Variants in MORN1 observed in about 807,000 individuals in gnomAD.
MORN1 encodes the protein MORN repeat containing 1.
A neutral mutation model predicts 61.9 loss-of-function variants in MORN1; 67 were observed. The ratio of observed to expected loss-of-function variants is 1.08; its 90% CI spans 0.89 to 1.33. The LOEUF is 1.33. Among genes scored for constraint, MORN1 ranks in the 40% most tolerant of loss-of-function variants. The probability of loss-of-function intolerance (pLI) is 0.00; values close to 1 mark genes in which losing one functional copy is unlikely to be tolerated. For synonymous variants in MORN1, 301 were observed against 292.0 expected (o/e 1.03, Z -0.31); for missense variants, 752 against 691.2 (o/e 1.09, Z -0.99).
intron 8 of MORN1, among the ~76,000 whole-genome samples, chr1:2,366,313 T>A (rs1192805278): frequency 7.2e-6 from 1 of 138,750 alleles, no homozygotes; most frequent in Non-Finnish European, 1.5e-5. Context: ...AACATCACAC[T>A]CTGGGGACTG....
At chr1:2,330,610 A>G (rs1184562561) in intron 12 of MORN1, among the ~76,000 whole-genome samples, 1 of 152,206 alleles carries the variant, frequency 6.6e-6, no homozygotes. Context: ...TGGCCTAATG[A>G]CTGATTAAAT....
chr1:2,380,419 T>C (rs1011080995), intron 6 of MORN1, among the ~76,000 whole-genome samples: 2 of 152,180 alleles, frequency 1.3e-5, no homozygotes, highest in African/African-American at 4.8e-5. Flanking sequence ...CAGAAGCACT[T>C]GGGGCCCAGG....
At chr1:2,341,705 A>G (rs12730050) in intron 10 of MORN1, among the ~76,000 whole-genome samples, 81,092 of 150,624 alleles carry the variant, frequency 0.54, 22,258 homozygotes, top group African/African-American at 0.61. Context: ...AAAAAAAAAA[A>G]AAAAAGAAAA....
Position 2,357,676 on chromosome 1 carries a change from C to T in MORN1, c.870-78G>A. The T allele has an allele frequency of 6.7e-7, 1 of 1,483,838 alleles. No homozygotes were observed. Among genetic ancestry groups the T allele is most frequent in the Non-Finnish European group, 9.0e-7 (1 of 1,111,462 alleles). 91.9% of individuals were successfully genotyped at this position (1,483,838 alleles called of 1,614,324 possible). ...TGCAGGCAGACAGCGTGGCCCACGC[C>T]CTGGACCCTGGGACTTGCCTACACT... On this transcript the variant is annotated intron_variant, in intron 9 of 13. Transcript: ENST00000378531. The surrounding 1 kb of genome is among the most constrained non-coding windows in gnomAD (Gnocchi z 6.3).
At chr1:2,341,692 G>GAAAAAAAA (rs68071614) in intron 10 of MORN1, among the ~76,000 whole-genome samples, 1 of 133,778 alleles carries the variant, frequency 7.5e-6, no homozygotes. Flanking sequence ...TCCGTCTCAA[G>GAAAAAAAA]AAAAAAAAAA....
At chr1:2,346,202 C>T (rs1203394095) in intron 10 of MORN1, among the ~76,000 whole-genome samples, 1 of 152,078 alleles carries the variant, frequency 6.6e-6, no homozygotes, top group African/African-American at 2.4e-5. Flanking sequence ...ACAAAGCCAC[C>T]AGGGAACCTT....
intron 6 of MORN1, among the ~76,000 whole-genome samples, chr1:2,384,758 AT>A (rs1642450329): frequency 6.6e-6 from 1 of 152,212 alleles, no homozygotes; most frequent in Non-Finnish European, 1.5e-5. Context: ...CCTCCTGAGT[AT>A]ACACAAGGCA....
intron 1 of MORN1, chr1:2,390,750 CTCTTT>C: frequency 2.0e-6 from 2 of 984,354 alleles, no homozygotes; most frequent in Non-Finnish European, 2.4e-6. Context: ...TCAAAACCTG[CTCTTT>C]TTTTTTTTTT....
chr1:2,372,412 A>G lies in MORN1; in HGVS notation c.745+69T>C. On this transcript the variant is annotated intron_variant, in intron 8 of 13. Coordinates refer to ENST00000378531, the MANE Select transcript of MORN1 (RefSeq NM_024848.3). This position sits in a 1 kb window ranked among gnomAD's most constrained non-coding sequence, Gnocchi z 5.4. ...CATGCAACATCTCGTCCGCATCTTC[A>G]CTGCTTAAGAACCTGCTGCCTGTTT... 1.6e-6 allele frequency: 2 copies of G among 1,244,372 alleles called. No homozygotes were observed. Among genetic ancestry groups the G allele is most frequent in the Non-Finnish European group, 1.1e-6 (1 of 877,914 alleles). The allele number at this position is 1,244,372 out of a possible 1,614,324, so 77.1% of individuals were successfully genotyped here.
Position 2,372,682 on chromosome 1 carries a change from G to A in MORN1, c.635-91C>T, listed in dbSNP as rs1408454342. 9 of 933,446 alleles carry A rather than the reference G, an allele frequency of 9.6e-6. No homozygotes were observed. The highest frequency in any genetic ancestry group is 2.6e-5 in the Admixed American group (1 of 38,998). The allele number at this position is 933,446 out of a possible 1,614,324, so 57.8% of individuals were successfully genotyped here. ...GTCAGCAGTGGGCACCCCAGGAACC[G>A]ACCAGAGCCCAGTGTGGCAGCTGGA... On this transcript the variant is annotated intron_variant, in intron 7 of 13. Transcript: ENST00000378531. This position sits in a 1 kb window ranked among gnomAD's most constrained non-coding sequence, Gnocchi z 5.4.
At chr1:2,349,578 A>G (rs1476951740) in intron 10 of MORN1, among the ~76,000 whole-genome samples, 1 of 152,208 alleles carries the variant, frequency 6.6e-6, no homozygotes, top group Non-Finnish European at 1.5e-5. Flanking sequence ...AATTTATAGC[A>G]CAAACATTCC....
At chr1:2,390,189 T>C (rs549904264) in intron 1 of MORN1, among the ~76,000 whole-genome samples, 193 bp from the exon 2 acceptor site, 1 of 152,320 alleles carries the variant, frequency 6.6e-6, no homozygotes, top group South Asian at 2.1e-4. Flanking sequence ...TTTGCTCATT[T>C]GTTTATGTGA....
At position 2,340,756 on chromosome 1, in the gene MORN1, G is replaced by A. The variant is rs532337695; in HGVS notation, c.1037-3906C>T. On this transcript the variant is annotated intron_variant, in intron 10 of 13. Coordinates refer to ENST00000378531, the MANE Select transcript of MORN1 (RefSeq NM_024848.3). ...CACAGGACACCAGACTGCCACACAG[G>A]CCACGGCGAGGGCCGCCACACAGGC... Among the ~76,000 whole-genome samples the A allele has an allele frequency of 1.5e-3, 222 of 152,194 alleles. 1 individual carries two copies. The highest frequency in any genetic ancestry group is 3.4e-3 in the Middle Eastern group (1 of 294).
intron 13 of MORN1, chr1:2,322,680 C>A: frequency 1.0e-6 from 1 of 985,484 alleles, no homozygotes; most frequent in Non-Finnish European, 1.2e-6. Flanking sequence ...AAGAGCCCCA[C>A]ATGGCAACGC....
intron 8 of MORN1, among the ~76,000 whole-genome samples, chr1:2,363,831 A>T (rs1171105325): frequency 6.8e-6 from 1 of 146,486 alleles, no homozygotes; most frequent in Non-Finnish European, 1.5e-5. Context: ...TATATAAAAA[A>T]AATCAGAGAT....
intron 10 of MORN1, among the ~76,000 whole-genome samples, chr1:2,340,081 C>G (rs1569943358): frequency 6.6e-6 from 1 of 152,236 alleles, no homozygotes; most frequent in Non-Finnish European, 1.5e-5. Context: ...CCACTTGTCC[C>G]CCGGTGTCAT....
rs934418792 is a variant in MORN1, at chr1:2,391,387, G to T, written c.76+71C>A. On this transcript the variant is annotated intron_variant, in intron 1 of 13. Transcript: ENST00000378531. ...CGAGGTGAGCATTTGGGGGTCGAGG[G>T]CGTAGAGCGATCGCACCCTGAATGG... 5 of 1,245,012 alleles carry T rather than the reference G, an allele frequency of 4.0e-6. No individual in the cohort carries two copies. The African/African-American group carries it at 6.2e-5, about 15-fold the overall frequency. The allele number at this position is 1,245,012 out of a possible 1,614,324, so 77.1% of individuals were successfully genotyped here. A position where few individuals can be genotyped will look rare whatever the true frequency, so the allele number is the denominator to read the frequency against.
intron 10 of MORN1, among the ~76,000 whole-genome samples, chr1:2,348,060 C>T (rs1054700525): frequency 1.3e-5 from 2 of 152,152 alleles, no homozygotes; most frequent in African/African-American, 2.4e-5. Flanking sequence ...TGATGTCCCT[C>T]GCAGGAAGGA....
intron 10 of MORN1, among the ~76,000 whole-genome samples, chr1:2,353,466 G>A (rs906645662): frequency 6.6e-5 from 10 of 152,234 alleles, no homozygotes; most frequent in Non-Finnish European, 8.8e-5. Flanking sequence ...GGGTCTCCGG[G>A]AGCTGCCTCC....
Sources: gnomAD v4.1 joint callset for allele counts (sites outside exome capture counted in the v4.1 genomes callset) on GRCh38, gnomAD v4.1.1 for gene constraint, Gnocchi (gnomAD v3.1) non-coding constraint, MANE v1.5 for transcripts, NCBI Gene and HGNC (gene_info 2026-07-23, HGNC 2026-07-21) for gene names.